AGBL2: variants seen among roughly 807,000 people sequenced by gnomAD.
The protein encoded by AGBL2 is cytosolic carboxypeptidase 2.
In AGBL2, 87 loss-of-function variants were observed where a neutral mutation model predicts 103.0. The ratio of observed to expected loss-of-function variants is 0.84; its 90% CI spans 0.71 to 1.01. The LOEUF is 1.01. Ranked by LOEUF, AGBL2 falls within the 50% of genes least tolerant of loss-of-function variation. The probability of loss-of-function intolerance (pLI) is 0.00; values close to 1 mark genes in which losing one functional copy is unlikely to be tolerated. For synonymous variants in AGBL2, 335 were observed against 356.7 expected, an observed-to-expected ratio of 0.94 and a Z score of 0.69; for missense variants, 904 against 1,023.5, an observed-to-expected ratio of 0.88 and a Z score of 1.59.
At position 47,663,124 on chromosome 11, in the gene AGBL2, G is replaced by T. The variant is rs756750039; in HGVS notation, c.2449-12C>A. The T allele has an allele frequency of 3.4e-5, 52 of 1,546,628 alleles. No individual in the cohort carries two copies. The Middle Eastern group carries it at 1.0e-3, about 30-fold the overall frequency. On this transcript the variant is annotated splice_polypyrimidine_tract_variant and intron_variant, in intron 17 of 18. Coordinates refer to ENST00000525123, the MANE Select transcript of AGBL2 (RefSeq NM_024783.4). ...CTATTTAAATTTGTCTAAAATAAAT[G>T]AACATATCCTCACTAAATTTTCCAC... is the stretch of plus-strand genomic sequence containing the variant.
Position 47,683,327 on chromosome 11 carries a change from C to T in AGBL2, c.1789-1232G>A, listed in dbSNP as rs111877648. On this transcript the variant is annotated intron_variant, in intron 11 of 18. Coordinates refer to ENST00000525123, the MANE Select transcript of AGBL2 (RefSeq NM_024783.4). ...GGAGGAGGTTGCAGTGAGCTGAGAT[C>T]GTGCCACTGACTCCGGCTTGGGCGA... Among the ~76,000 whole-genome samples the T allele has an allele frequency of 1.1e-3, 162 of 150,910 alleles. 3 individuals are homozygous for T. The highest frequency in any genetic ancestry group is 4.0e-4 in the Non-Finnish European group (27 of 67,744).
chr11:47,663,186 A>G, intron 17 of AGBL2, 74 bp from the exon 18 acceptor site: 7 of 901,506 alleles, frequency 7.8e-6, no homozygotes, highest in Non-Finnish European at 1.2e-5. Flanking sequence ...TACATTATTC[A>G]TTTGTTTCTT....
intron 4 of AGBL2, among the ~76,000 whole-genome samples, chr11:47,707,755 C>T (rs748980735): frequency 2.2e-4 from 34 of 152,244 alleles, no homozygotes; most frequent in Non-Finnish European, 4.1e-4. Flanking sequence ...GTATAAGTTT[C>T]TTTAAAATTT....
chr11:47,708,521 T>C (rs2097527911), intron 4 of AGBL2, among the ~76,000 whole-genome samples: 3 of 151,708 alleles, frequency 2.0e-5, no homozygotes, highest in African/African-American at 7.3e-5. Flanking sequence ...AAATTTTTCC[T>C]TTAAAAATTA....
At chr11:47,690,905 T>A (rs768269834) in intron 9 of AGBL2, 47 bp from the exon 10 acceptor site, 1 of 1,464,654 alleles carries the variant, frequency 6.8e-7, no homozygotes, top group Non-Finnish European at 9.2e-7. Flanking sequence ...CACCCTGCCT[T>A]AAAAAACAAA....
chr11:47,702,691 T>C (rs2097503553), intron 7 of AGBL2, among the ~76,000 whole-genome samples: 1 of 151,636 alleles, frequency 6.6e-6, no homozygotes, highest in Non-Finnish European at 1.5e-5. Context: ...CTGACCAAGA[T>C]GGTGAAACCC....
intron 3 of AGBL2, chr11:47,714,050 T>C (rs1487475042): frequency 2.0e-6 from 1 of 504,896 alleles, no homozygotes; most frequent in Non-Finnish European, 3.6e-6. Flanking sequence ...AACAGACCAA[T>C]GGAATAGAGA....
intron 7 of AGBL2, among the ~76,000 whole-genome samples, chr11:47,702,604 G>T (rs960906227): frequency 6.6e-6 from 1 of 152,012 alleles, no homozygotes; most frequent in Non-Finnish European, 1.5e-5. Context: ...AGCTGGGTGC[G>T]GTGGCTCATG....
intron 12 of AGBL2, among the ~76,000 whole-genome samples, chr11:47,681,176 A>T (rs552663362): frequency 2.4e-4 from 37 of 151,796 alleles, no homozygotes; most frequent in African/African-American, 6.8e-4. Flanking sequence ...CAAAAAAAAT[A>T]AAAAAATTAG....
In AGBL2 at chr11:47,667,044, G is replaced by C; in HGVS notation, c.2360C>G (p.Ser787Cys). ...AAAGGTTGGCTGCTTTTGCAGAGTAGAAGCAAATCCTGCCTTTTCCTAGGA... is the reference window on the plus strand; with the variant it reads ...AAAGGTTGGCTGCTTTTGCAGAGTACAAGCAAATCCTGCCTTTTCCTAGGA... ...EDTSEKAGFA[S>C]TLQKQPTFFK... Residue 787 changes from serine (S) to cysteine (C), a missense_variant, in exon 17 of 19, where the codon TCT becomes TGT. Ser to Cys is a moderately radical substitution (Grantham distance 112, BLOSUM62 -1). Coordinates refer to ENST00000525123, the MANE Select transcript of AGBL2 (RefSeq NM_024783.4). The C allele has an allele frequency of 6.2e-7, 1 of 1,607,374 alleles. No individual in the cohort carries two copies. Among genetic ancestry groups the C allele is most frequent in the Non-Finnish European group, 8.5e-7 (1 of 1,177,422 alleles).
intron 14 of AGBL2, among the ~76,000 whole-genome samples, chr11:47,671,806 A>G (rs2097358446): frequency 6.6e-6 from 1 of 152,180 alleles, no homozygotes; most frequent in Admixed American, 6.5e-5. Flanking sequence ...TGTTGGTAGA[A>G]AATGTTAGCA....
rs971617885 is a variant in AGBL2 at position 47,709,648 on chromosome 11, C to T, written c.232+729G>A. On this transcript the variant is annotated intron_variant, in intron 4 of 18. Coordinates refer to ENST00000525123, the MANE Select transcript of AGBL2 (RefSeq NM_024783.4). Reference sequence around the variant, plus strand: ...TGTTGCCCAGGCTGGAATGCAGTGGCGCAATCTCAGCTCACCGCAACTTCC... The same window carrying T: ...TGTTGCCCAGGCTGGAATGCAGTGGTGCAATCTCAGCTCACCGCAACTTCC... Among the ~76,000 whole-genome samples the T allele has an allele frequency of 4.0e-5, 6 of 150,510 alleles. No individual in the cohort carries two copies. In the East Asian group the frequency reaches 7.8e-4, roughly 19 times the overall value.
At chr11:47,678,330 A>ATTTTTTTT (rs869274971) in intron 13 of AGBL2, among the ~76,000 whole-genome samples, 2 of 114,380 alleles carry the variant, frequency 1.7e-5, no homozygotes, top group South Asian at 8.2e-4. Flanking sequence ...ATTTTATTTT[A>ATTTTTTTT]TTTTATTATT....
intron 14 of AGBL2, among the ~76,000 whole-genome samples, chr11:47,675,388 T>TG (rs1382596048): frequency 7.6e-6 from 1 of 130,996 alleles, no homozygotes; most frequent in Non-Finnish European, 1.6e-5. Context: ...TTTTTTTTTT[T>TG]TTTTTTTTTT....
In AGBL2 at chr11:47,690,365, C is replaced by G. The variant is rs140807651; in HGVS notation, c.1342G>C (p.Glu448Gln). Residue 448 changes from glutamate to glutamine, a missense_variant, in exon 10 of 19, where the codon GAG becomes CAG. Physicochemically the swap from Glu to Gln is conservative, Grantham distance 29. Coordinates refer to ENST00000525123, the MANE Select transcript of AGBL2 (RefSeq NM_024783.4). Reference protein sequence around the residue: ...TITNPSQTPQEAAAKKAVVLS... With the variant: ...TITNPSQTPQQAAAKKAVVLS... ...ACCACAGCTTTCTTTGCAGCTGCCT[C>G]TTGAGGGGTCTGGGATGGGTTGGTG... is the stretch of plus-strand genomic sequence containing the variant. 9.3e-6 allele frequency: 15 copies of G among 1,613,952 alleles called. No homozygotes were observed. The African/African-American group carries it at 1.5e-4, about 16-fold the overall frequency.
intron 11 of AGBL2, among the ~76,000 whole-genome samples, chr11:47,683,341 C>T (rs994225712): frequency 1.4e-4 from 21 of 151,922 alleles, no homozygotes; most frequent in Non-Finnish European, 2.6e-4. Flanking sequence ...CCACTGACTC[C>T]GGCTTGGGCG....
At position 47,662,803 on chromosome 11, in the gene AGBL2, C is replaced by T. The variant is rs980561963; in HGVS notation, c.2535+223G>A. On this transcript the variant is annotated intron_variant, in intron 18 of 18. Transcript: ENST00000525123. ...GCCACTGTGCCCGGCCTAAAACTTA[C>T]TCTTTTAAAAAAGCAAACAATTCAC... 1.9e-4 allele frequency among the ~76,000 whole-genome samples: 29 copies of T among 152,140 alleles called. 1 individual carries two copies. The highest frequency in any genetic ancestry group is 4.1e-4 in the Non-Finnish European group (28 of 68,032).
rs764484160 is a variant in AGBL2 at position 47,690,431 on chromosome 11, A to C, written c.1276T>G (p.Cys426Gly). The C allele has an allele frequency of 1.8e-5, 29 of 1,614,084 alleles. No homozygotes were observed. In the East Asian group the frequency reaches 2.9e-4, roughly 16 times the overall value. ...QSQFCKLQTL[C>G]RSLAGNTVYL... ...ACGGTATTTCCTGCTAGGCTCCTGC[A>C]TAAAGTTTGGAGCTTGCAGAACTGA... is the stretch of plus-strand genomic sequence containing the variant. Residue 426 changes from cysteine (C) to glycine (G), a missense_variant, in exon 10 of 19, where the codon TGC (cysteine) becomes GGC (glycine). Physicochemically the swap from Cys to Gly is radical, Grantham distance 159. Transcript: ENST00000525123.
chr11:47,692,404 C>CTTTTTTTTTTTTTTT (rs11286504), intron 8 of AGBL2, 148 bp from the exon 9 acceptor site: 1 of 96,104 alleles, frequency 1.0e-5, no homozygotes, highest in Admixed American at 1.8e-4. Flanking sequence ...GACTTTTAAT[C>CTTTTTTTTTTTTTTT]TTTTTTTTTT....
Sources: allele counts gnomAD v4.1 joint callset (sites outside exome capture counted in the v4.1 genomes callset), GRCh38; gene constraint gnomAD v4.1.1; transcripts MANE v1.5; gene names NCBI Gene and HGNC (gene_info 2026-07-23, HGNC 2026-07-21).